The following ANOS1 variants were observed in gnomAD, a reference collection of about 807,000 sequenced individuals.
The protein encoded by ANOS1 is anosmin 1, also known as anosmin-1.
In ANOS1, 6 loss-of-function variants were observed where a neutral mutation model predicts 59.0. The observed-to-expected ratio is 0.10, with a 90% confidence interval of 0.06 to 0.20. The LOEUF is 0.20. Ranked by LOEUF, ANOS1 falls within the 10% of genes least tolerant of loss-of-function variation. The probability of loss-of-function intolerance (pLI) is 1.00; values close to 1 mark genes in which losing one functional copy is unlikely to be tolerated. For synonymous variants in ANOS1, 217 were observed against 223.4 expected (o/e 0.97, Z 0.25); for missense variants, 433 against 542.3 (o/e 0.80, Z 2.00).
intron 1 of ANOS1, among the ~76,000 whole-genome samples, chrX:8,730,284 G>T (rs1430692101): frequency 8.9e-6 from 1 of 112,421 alleles, no homozygotes; most frequent in Non-Finnish European, 1.9e-5. Context: ...CAGGTGCCTG[G>T]GGATCGGCCC....
At chrX:8,711,076 T>C (rs985480351) in intron 1 of ANOS1, among the ~76,000 whole-genome samples, 2 of 112,023 alleles carry the variant, frequency 1.8e-5, no homozygotes, top group Non-Finnish European at 3.8e-5. Flanking sequence ...GGAGGAGAAA[T>C]CTAAGTGTCC....
In ANOS1 at chrX:8,668,430, T is replaced by TATATAC. The variant is rs1394731479; in HGVS notation, c.255+31267_255+31268insGTATAT. Among the ~76,000 whole-genome samples, 669 of 80,002 alleles carry TATATAC rather than the reference T, an allele frequency of 8.4e-3. 4 individuals carry two copies. The highest frequency in any genetic ancestry group is 0.011 in the African/African-American group (213 of 20,146). 69.5% of individuals were successfully genotyped at this position (80,002 alleles called of 115,157 possible). A position where few individuals can be genotyped will look rare whatever the true frequency, so the allele number is the denominator to read the frequency against. On this transcript the variant is annotated intron_variant, in intron 2 of 13. Transcript: ENST00000262648. ...ATATATATATATATATATATATATA[T>TATATAC]ACACACACATACATATATATATATG...
Position 8,535,623 on chromosome X carries a change from T to C in ANOS1, c.1810A>G (p.Ser604Gly). The C allele has an allele frequency of 8.3e-7, 1 of 1,209,904 alleles. No individual in the cohort carries two copies. Among genetic ancestry groups the C allele is most frequent in the Non-Finnish European group, 1.1e-6 (1 of 893,613 alleles). Residue 604 changes from serine (S) to glycine (G), a missense_variant, in exon 12 of 14, where the codon AGC becomes GGC. Transcript: ENST00000262648. ...TESRQNSLPN[S>G]IISQSQILPS... ...AGGATCTGGGACTGTGAAATAATGCTGTTGGGTAGGCTGTTCTGTCTGCTT... is the reference window on the plus strand; with the variant it reads ...AGGATCTGGGACTGTGAAATAATGCCGTTGGGTAGGCTGTTCTGTCTGCTT...
At chrX:8,676,258 A>AT (rs1932336292) in intron 2 of ANOS1, among the ~76,000 whole-genome samples, 1 of 111,158 alleles carries the variant, frequency 9.0e-6, no homozygotes, top group Admixed American at 9.6e-5. Context: ...ATATACTTTG[A>AT]TTTTCTCTCC....
chrX:8,618,569 T>C (rs1256358531), intron 3 of ANOS1, among the ~76,000 whole-genome samples: 2 of 111,951 alleles, frequency 1.8e-5, no homozygotes, highest in Non-Finnish European at 3.8e-5. Flanking sequence ...AAATCAAAGA[T>C]GGGAGCTGTT....
intron 13 of ANOS1, among the ~76,000 whole-genome samples, chrX:8,533,440 C>G (rs1395950320): frequency 1.8e-5 from 2 of 112,201 alleles, no homozygotes; most frequent in Non-Finnish European, 3.8e-5. Flanking sequence ...TAGAGGCTAT[C>G]AAGCTCTCCC....
chrX:8,662,323 A>G (rs1252824094), intron 2 of ANOS1, among the ~76,000 whole-genome samples: 1 of 111,500 alleles, frequency 9.0e-6, no homozygotes, highest in Non-Finnish European at 1.9e-5. Context: ...CTGTCTTCAG[A>G]TTCTTAATTT....
chrX:8,626,111 CAAAAAAAAAAAAA>C (rs138234272), intron 2 of ANOS1, among the ~76,000 whole-genome samples: 1 of 24,520 alleles, frequency 4.1e-5, no homozygotes, highest in African/African-American at 1.5e-4. Context: ...GACTCTGTCT[CAAAAAAAAAAAAA>C]AAAAAAAAAA....
intron 2 of ANOS1, among the ~76,000 whole-genome samples, chrX:8,697,543 G>A (rs1932701654): frequency 9.0e-6 from 1 of 111,724 alleles, no homozygotes; most frequent in Non-Finnish European, 1.9e-5. Flanking sequence ...AGAGTGGTTA[G>A]ATGAGATCTA....
chrX:8,649,072 A>G (rs12007434), intron 2 of ANOS1, among the ~76,000 whole-genome samples: 23,313 of 111,016 alleles, frequency 0.21, 3,543 homozygotes, highest in African/African-American at 0.53. Flanking sequence ...GTGAAAATCC[A>G]CTAGACATAC....
At chrX:8,727,227 G>A (rs1322966513) in intron 1 of ANOS1, among the ~76,000 whole-genome samples, 1 of 111,453 alleles carries the variant, frequency 9.0e-6, no homozygotes, top group Non-Finnish European at 1.9e-5. Context: ...GACTCCCACC[G>A]CACCCTCACC....
chrX:8,701,495 C>T (rs1446255918), intron 1 of ANOS1, among the ~76,000 whole-genome samples: 1 of 111,996 alleles, frequency 8.9e-6, no homozygotes. Flanking sequence ...TTTTCACCAG[C>T]CCAAAAAGAA....
chrX:8,536,435 G>A (rs763248227), intron 11 of ANOS1, among the ~76,000 whole-genome samples: 14 of 110,163 alleles, frequency 1.3e-4, no homozygotes, highest in Middle Eastern at 4.3e-3. Flanking sequence ...AGGTTGGCAT[G>A]GAAAGTGTGT....
At chrX:8,669,575 C>T (rs1215050213) in intron 2 of ANOS1, among the ~76,000 whole-genome samples, 1 of 98,619 alleles carries the variant, frequency 1.0e-5, no homozygotes, top group African/African-American at 3.8e-5. Flanking sequence ...AATGGAATGC[C>T]TTATCAGGCC....
chrX:8,643,670 T>C (rs1931702862), intron 2 of ANOS1, among the ~76,000 whole-genome samples: 1 of 112,213 alleles, frequency 8.9e-6, no homozygotes, highest in African/African-American at 3.2e-5. Context: ...CCTATTAACA[T>C]AGCTAGACCT....
At chrX:8,729,136 A>G (rs1365509527) in intron 1 of ANOS1, among the ~76,000 whole-genome samples, 1 of 111,658 alleles carries the variant, frequency 9.0e-6, no homozygotes, top group Non-Finnish European at 1.9e-5. Flanking sequence ...AAGGCCTGAC[A>G]GCTTTCATAA....
rs770159530 is a variant in ANOS1, at chrX:8,690,029, C to T, written c.255+9669G>A. Among the ~76,000 whole-genome samples the T allele has an allele frequency of 3.6e-5, 4 of 111,919 alleles. No homozygotes were observed. In the East Asian group the frequency reaches 1.1e-3, roughly 31 times the overall value. Reference sequence around the variant, plus strand: ...ATGCATTCTACACAAATGTTAAGACCAAAATGTTGGTTTAAGGAAATAATA... The same window carrying T: ...ATGCATTCTACACAAATGTTAAGACTAAAATGTTGGTTTAAGGAAATAATA... On this transcript the variant is annotated intron_variant, in intron 2 of 13. Transcript: ENST00000262648.
chrX:8,614,323 T>C (rs1201807689), intron 3 of ANOS1, among the ~76,000 whole-genome samples: 1 of 112,291 alleles, frequency 8.9e-6, no homozygotes, highest in Non-Finnish European at 1.9e-5. Flanking sequence ...CTCTCTCCTC[T>C]ATGCTCTAGA....
intron 9 of ANOS1, among the ~76,000 whole-genome samples, chrX:8,541,435 A>C (rs1166598505): frequency 2.0e-5 from 2 of 99,413 alleles, no homozygotes; most frequent in Non-Finnish European, 4.1e-5. Context: ...CAAAAAAACA[A>C]AAAAATAAAA....
Sources: gnomAD v4.1 joint callset for allele counts (sites outside exome capture counted in the v4.1 genomes callset) on GRCh38, gnomAD v4.1.1 for gene constraint, MANE v1.5 for transcripts, NCBI Gene and HGNC (gene_info 2026-07-23, HGNC 2026-07-21) for gene names.